SEZ6L: variants seen among roughly 807,000 people sequenced by gnomAD.
SEZ6L encodes the protein seizure related 6 homolog like, also known as seizure 6-like protein.
A neutral mutation model predicts 106.2 loss-of-function variants in SEZ6L; 37 were observed. That is an observed-to-expected ratio of 0.35 (90% confidence interval 0.27 to 0.46). The LOEUF (loss-of-function observed/expected upper bound fraction) is 0.46. Ranked by LOEUF, SEZ6L falls within the 20% of genes least tolerant of loss-of-function variation. SEZ6L has a pLI of 1.00. For synonymous variants in SEZ6L, 541 were observed against 570.4 expected (o/e 0.95, Z 0.73); for missense variants, 1,172 against 1,332.8 (o/e 0.88, Z 1.88).
chr22:26,223,413 A>C (rs919924202), intron 1 of SEZ6L, among the ~76,000 whole-genome samples: 10 of 152,226 alleles, frequency 6.6e-5, no homozygotes, highest in African/African-American at 2.4e-4. Flanking sequence ...ATTTCCTTGC[A>C]TTGAACACAG....
At chr22:26,312,346 C>A (rs2081865141) in intron 8 of SEZ6L, among the ~76,000 whole-genome samples, 1 of 152,238 alleles carries the variant, frequency 6.6e-6, no homozygotes, top group South Asian at 2.1e-4. Context: ...ATGCTACCAG[C>A]ACTTTGCTAA....
At chr22:26,202,274 C>T (rs1028409903) in intron 1 of SEZ6L, among the ~76,000 whole-genome samples, 4 of 152,124 alleles carry the variant, frequency 2.6e-5, no homozygotes, top group Non-Finnish European at 5.9e-5. Flanking sequence ...TTCCTTTAAA[C>T]AAATGGTTAA....
intron 5 of SEZ6L, among the ~76,000 whole-genome samples, chr22:26,304,385 A>AAAGAAAGAAAGAAAGAAAG (rs2081561487): frequency 8.9e-6 from 1 of 112,348 alleles, no homozygotes; most frequent in African/African-American, 3.7e-5. Context: ...AGAAAGAAAG[A>AAAGAAAGAAAGAAAGAAAG]AAGAAAGAAA....
intron 1 of SEZ6L, among the ~76,000 whole-genome samples, chr22:26,170,210 G>C (rs140187535): frequency 0.015 from 2,314 of 151,956 alleles, 20 homozygotes; most frequent in Non-Finnish European, 0.023. Flanking sequence ...GACTCAAACA[G>C]TGCATTTGCC....
intron 1 of SEZ6L, among the ~76,000 whole-genome samples, chr22:26,223,244 CCA>C (rs778043345): frequency 6.6e-6 from 1 of 152,100 alleles, no homozygotes; most frequent in East Asian, 1.9e-4. Context: ...TCTATGTGAA[CCA>C]AGTCTCCTGT....
At chr22:26,228,829 A>G (rs1286688796) in intron 1 of SEZ6L, among the ~76,000 whole-genome samples, 1 of 152,092 alleles carries the variant, frequency 6.6e-6, no homozygotes, top group African/African-American at 2.4e-5. Context: ...CAGAAGAGGA[A>G]CCCATCTGGC....
intron 6 of SEZ6L, 115 bp downstream of exon 6, chr22:26,306,259 G>A: frequency 8.4e-7 from 1 of 1,196,978 alleles, no homozygotes; most frequent in Non-Finnish European, 1.2e-6. Flanking sequence ...TTCAAGAAAA[G>A]AAGAGCTGGG....
intron 13 of SEZ6L, among the ~76,000 whole-genome samples, chr22:26,369,589 C>T (rs1291062333): frequency 6.6e-6 from 1 of 151,906 alleles, no homozygotes; most frequent in Non-Finnish European, 1.5e-5. Context: ...ATTCGCCCAC[C>T]TCTGCCTCCC....
At chr22:26,338,973 G>T (rs938968113) in intron 9 of SEZ6L, among the ~76,000 whole-genome samples, 2 of 144,276 alleles carry the variant, frequency 1.4e-5, no homozygotes, top group African/African-American at 5.2e-5. Context: ...AAAAGTGCTG[G>T]GATTACAGGT....
chr22:26,172,429 C>A (rs758808497), intron 1 of SEZ6L, among the ~76,000 whole-genome samples: 1 of 152,194 alleles, frequency 6.6e-6, no homozygotes, highest in Non-Finnish European at 1.5e-5. Context: ...CCTTCCAGGG[C>A]AAAAGGATAT....
At chr22:26,275,152 C>T (rs1360446737) in intron 1 of SEZ6L, among the ~76,000 whole-genome samples, 1 of 152,228 alleles carries the variant, frequency 6.6e-6, no homozygotes. Context: ...CTTTACTGCA[C>T]AGCAGTATAC....
intron 1 of SEZ6L, among the ~76,000 whole-genome samples, chr22:26,242,185 G>A (rs375617573): frequency 2.0e-5 from 3 of 152,216 alleles, no homozygotes; most frequent in East Asian, 1.9e-4. Flanking sequence ...CTCAGTGCAC[G>A]GGGTTGCATG....
chr22:26,264,442 A>G (rs1402885201), intron 1 of SEZ6L, among the ~76,000 whole-genome samples: 1 of 152,250 alleles, frequency 6.6e-6, no homozygotes, highest in Non-Finnish European at 1.5e-5. Flanking sequence ...AACAAGCTGT[A>G]TGACTTCCAG....
Position 26,298,968 on chromosome 22 carries a change from C to G in SEZ6L, c.1163-16C>G. 1 of 1,544,782 alleles carries G rather than the reference C, an allele frequency of 6.5e-7. No homozygotes were observed. The highest frequency in any genetic ancestry group is 1.3e-5 in the South Asian group (1 of 79,926). On this transcript the variant is annotated splice_polypyrimidine_tract_variant and intron_variant, in intron 4 of 16. Transcript: ENST00000248933. ...CTCCAAGTGATGACTGAGTCTGCCT[C>G]TGCATTTCTTCCCAGCCTTCATGCT... is the stretch of plus-strand genomic sequence containing the variant.
At chr22:26,377,138 T>C (rs900542864) in intron 15 of SEZ6L, among the ~76,000 whole-genome samples, 16 of 151,132 alleles carry the variant, frequency 1.1e-4, no homozygotes, top group African/African-American at 3.9e-4. Flanking sequence ...ATAAAAAAAA[T>C]AAAACACTTA....
At chr22:26,367,646 CCCCTGCTTAGAGAA>C (rs2083867001) in intron 13 of SEZ6L, among the ~76,000 whole-genome samples, 1 of 152,042 alleles carries the variant, frequency 6.6e-6, no homozygotes, top group African/African-American at 2.4e-5. Flanking sequence ...CTGCTTTTGA[CCCCTGCTTAGAGAA>C]CCCTGCTTAA....
intron 1 of SEZ6L, chr22:26,292,106 G>T: frequency 3.1e-6 from 1 of 317,588 alleles, no homozygotes; most frequent in Non-Finnish European, 5.7e-6. Flanking sequence ...GAAAAAAATG[G>T]AAGGGGAAAG....
chr22:26,195,711 G>A (rs899118338), intron 1 of SEZ6L, among the ~76,000 whole-genome samples: 6 of 151,990 alleles, frequency 3.9e-5, no homozygotes, highest in African/African-American at 1.5e-4. Context: ...AAGTTAATAT[G>A]TGTGTGTATG....
At chr22:26,343,056 T>G (rs1040490240) in intron 10 of SEZ6L, among the ~76,000 whole-genome samples, 1 of 152,196 alleles carries the variant, frequency 6.6e-6, no homozygotes, top group Non-Finnish European at 1.5e-5. Context: ...GCTAAATATT[T>G]TCAGAGTGTT....
Sources: gnomAD v4.1 joint callset for allele counts (sites outside exome capture counted in the v4.1 genomes callset) on GRCh38, gnomAD v4.1.1 for gene constraint, MANE v1.5 for transcripts, NCBI Gene and HGNC (gene_info 2026-07-23, HGNC 2026-07-21) for gene names.